AGBL1: variants seen among roughly 807,000 people sequenced by gnomAD.
AGBL1 encodes cytosolic carboxypeptidase 4.
AGBL1 carries 130 observed loss-of-function variants against 118.9 expected under a neutral mutation model. The ratio of observed to expected loss-of-function variants is 1.09; its 90% CI spans 0.95 to 1.26. The LOEUF is 1.26. Ranked by LOEUF, AGBL1 falls within the 50% of genes most tolerant of loss-of-function variation. The probability of loss-of-function intolerance (pLI) is 0.00; values close to 1 mark genes in which losing one functional copy is unlikely to be tolerated. For synonymous variants in AGBL1, 555 were observed against 478.9 expected (o/e 1.16, Z -2.08); for missense variants, 1,584 against 1,298.1 (o/e 1.22, Z -3.38).
intron 18 of AGBL1, among the ~76,000 whole-genome samples, chr15:86,420,220 G>A (rs766830944): frequency 1.3e-4 from 20 of 152,224 alleles, no homozygotes; most frequent in South Asian, 4.1e-4. Context: ...GGAGAGCTTC[G>A]GCTGGCATCC....
At chr15:86,572,732 C>T (rs113483601) in intron 21 of AGBL1, among the ~76,000 whole-genome samples, 17 of 152,238 alleles carry the variant, frequency 1.1e-4, no homozygotes, top group African/African-American at 2.4e-4. Context: ...CGCAGCTTCT[C>T]CAGCTGCCAC....
chr15:86,562,139 C>G (rs542712343), intron 21 of AGBL1, among the ~76,000 whole-genome samples: 5 of 152,088 alleles, frequency 3.3e-5, no homozygotes, highest in Non-Finnish European at 5.9e-5. Context: ...AATGGAATAC[C>G]CTTTATTTCT....
At chr15:86,584,556 C>T (rs2084219043) in intron 21 of AGBL1, among the ~76,000 whole-genome samples, 3 of 151,986 alleles carry the variant, frequency 2.0e-5, no homozygotes, top group Admixed American at 2.0e-4. Context: ...CTGTTTGTAC[C>T]AGTACCATGC....
intron 22 of AGBL1, among the ~76,000 whole-genome samples, chr15:86,869,048 A>T (rs10520644): frequency 6.6e-6 from 1 of 152,140 alleles, no homozygotes; most frequent in African/African-American, 2.4e-5. Context: ...TAGGGCATTT[A>T]TATACTAGCT....
chr15:86,397,562 G>A lies in AGBL1; in HGVS notation c.2555+16G>A. ...TCAACGGCAAGTATGTCAGGCACCT[G>A]GCTCAGCCAAACCCACAATTATGCT... On this transcript the variant is annotated intron_variant, in intron 18 of 22. Coordinates refer to ENST00000614907, the MANE Select transcript of AGBL1 (RefSeq NM_001386094.1). 1 of 1,590,372 alleles carries A rather than the reference G, an allele frequency of 6.3e-7. No homozygotes were observed. The highest frequency in any genetic ancestry group is 8.6e-7 in the Non-Finnish European group (1 of 1,166,648).
chr15:86,827,901 C>T (rs1206574901), intron 22 of AGBL1, among the ~76,000 whole-genome samples: 1 of 126,532 alleles, frequency 7.9e-6, no homozygotes, highest in South Asian at 2.7e-4. Flanking sequence ...GTTATTTTTA[C>T]ATACAATTAA....
intron 22 of AGBL1, among the ~76,000 whole-genome samples, chr15:86,734,562 G>A (rs937863225): frequency 2.0e-5 from 3 of 152,108 alleles, no homozygotes; most frequent in Non-Finnish European, 4.4e-5. Context: ...GGTAGAAATG[G>A]GCATACATCC....
At chr15:86,869,726 C>T (rs1175491379) in intron 22 of AGBL1, among the ~76,000 whole-genome samples, 1 of 152,174 alleles carries the variant, frequency 6.6e-6, no homozygotes, top group Admixed American at 6.5e-5. Flanking sequence ...ACTACCCCAA[C>T]TATTACACAT....
intron 23 of AGBL1, among the ~76,000 whole-genome samples, chr15:86,961,005 T>A (rs2080987386): frequency 6.6e-6 from 1 of 152,088 alleles, no homozygotes; most frequent in South Asian, 2.1e-4. Flanking sequence ...TTCTAGAGAC[T>A]TAATGTAAAG....
At chr15:86,643,666 T>G (rs2085228329) in intron 21 of AGBL1, among the ~76,000 whole-genome samples, 1 of 152,188 alleles carries the variant, frequency 6.6e-6, no homozygotes. Context: ...GTTTGACATT[T>G]TTTAAATACA....
rs189235158 is a variant in AGBL1 at position 86,103,226 on chromosome 15, C to T, written c.51+23203C>T. On this transcript the variant is annotated intron_variant, in intron 1 of 22. Transcript: ENST00000614907. ...GTTTTTGTGATATATTTGTATTGTT[C>T]ATCTGTGTTCTGTAGCATAACAGGG... Among the ~76,000 whole-genome samples the T allele has an allele frequency of 2.4e-3, 359 of 152,004 alleles. 2 individuals are homozygous for T. Among genetic ancestry groups the T allele is most frequent in the Middle Eastern group, 3.4e-3 (1 of 294 alleles).
chr15:86,958,680 C>T (rs1050976630), intron 23 of AGBL1, among the ~76,000 whole-genome samples: 1 of 152,136 alleles, frequency 6.6e-6, no homozygotes, highest in African/African-American at 2.4e-5. Flanking sequence ...TTTATCAGCA[C>T]TTTCTATAAA....
At chr15:86,841,110 G>T (rs939136202) in intron 22 of AGBL1, among the ~76,000 whole-genome samples, 1 of 152,222 alleles carries the variant, frequency 6.6e-6, no homozygotes, top group Non-Finnish European at 1.5e-5. Flanking sequence ...GAGCAGCAAG[G>T]ATGAATGACA....
intron 23 of AGBL1, among the ~76,000 whole-genome samples, chr15:86,968,623 A>G (rs919431942): frequency 6.6e-6 from 1 of 151,956 alleles, no homozygotes. Context: ...CATAAAAATG[A>G]GGGAAAGCAG....
intron 18 of AGBL1, among the ~76,000 whole-genome samples, chr15:86,481,609 C>T (rs1268696292): frequency 1.3e-5 from 2 of 152,128 alleles, no homozygotes; most frequent in Non-Finnish European, 2.9e-5. Flanking sequence ...TTCCAGTTTT[C>T]CAGTCTTAAG....
At chr15:86,171,960 T>C (rs188744486) in intron 5 of AGBL1, among the ~76,000 whole-genome samples, 1 of 152,366 alleles carries the variant, frequency 6.6e-6, no homozygotes, top group Non-Finnish European at 1.5e-5. Flanking sequence ...AAACATCTTA[T>C]GTTCTCACTC....
chr15:86,616,988 C>A (rs1481815074), intron 21 of AGBL1, among the ~76,000 whole-genome samples: 2 of 152,150 alleles, frequency 1.3e-5, no homozygotes, highest in African/African-American at 2.4e-5. Flanking sequence ...GTGTTGTAAT[C>A]CTTTACCATC....
chr15:86,118,566 G>A (rs1897907193), intron 1 of AGBL1, among the ~76,000 whole-genome samples: 1 of 151,986 alleles, frequency 6.6e-6, no homozygotes, highest in Non-Finnish European at 1.5e-5. Flanking sequence ...TGGAGAGCAG[G>A]TGCAGAGGTT....
chr15:86,537,596 C>A (rs923577211), intron 19 of AGBL1, among the ~76,000 whole-genome samples: 1 of 152,228 alleles, frequency 6.6e-6, no homozygotes, highest in Non-Finnish European at 1.5e-5. Context: ...CAAGACCACT[C>A]ACTTTCAAAT....
Sources: allele counts gnomAD v4.1 joint callset (sites outside exome capture counted in the v4.1 genomes callset), GRCh38; gene constraint gnomAD v4.1.1; transcripts MANE v1.5; gene names NCBI Gene and HGNC (gene_info 2026-07-23, HGNC 2026-07-21).